The following PHKB variants were observed in gnomAD, a reference collection of about 807,000 sequenced individuals.
The protein encoded by PHKB is phosphorylase kinase regulatory subunit beta.
Under a neutral mutation model 152.1 loss-of-function variants are expected in PHKB, and 122 were observed. That is an observed-to-expected ratio of 0.80 (90% CI 0.69 to 0.93). The LOEUF (loss-of-function observed/expected upper bound fraction) is 0.93. PHKB is among the 40% of genes least tolerant of loss of function. The pLI is 0.00. For synonymous variants in PHKB, 436 were observed against 464.9 expected (o/e 0.94, Z 0.80); for missense variants, 1,304 against 1,328.4 (o/e 0.98, Z 0.29).
At chr16:47,501,916 C>A (rs1255775819) in intron 3 of PHKB, among the ~76,000 whole-genome samples, 2 of 152,064 alleles carry the variant, frequency 1.3e-5, no homozygotes, top group African/African-American at 4.8e-5. Context: ...TGTGTCTGAC[C>A]TCAAGGGGAA....
intron 3 of PHKB, among the ~76,000 whole-genome samples, chr16:47,501,945 A>G (rs1162496988): frequency 3.3e-5 from 5 of 152,174 alleles, no homozygotes; most frequent in African/African-American, 1.2e-4. Flanking sequence ...TATAGAGCAA[A>G]TTCATGCTAA....
intron 7 of PHKB, among the ~76,000 whole-genome samples, chr16:47,569,245 G>C (rs1392815022): frequency 6.6e-6 from 1 of 152,090 alleles, no homozygotes; most frequent in Non-Finnish European, 1.5e-5. Context: ...TCTTCTTGTT[G>C]AATTGTTCTG....
chr16:47,488,646 T>G (rs972081217), intron 1 of PHKB, among the ~76,000 whole-genome samples: 1 of 152,216 alleles, frequency 6.6e-6, no homozygotes, highest in African/African-American at 2.4e-5. Flanking sequence ...GGGATCCAGT[T>G]TCAATCTTCT....
intron 11 of PHKB, 125 bp downstream of exon 11, chr16:47,593,682 C>T: frequency 1.4e-6 from 1 of 696,064 alleles, no homozygotes; most frequent in Non-Finnish European, 2.6e-6. Context: ...ATAGACTGCG[C>T]TTCAGTGATG....
chr16:47,479,181 G>C (rs1441193831), intron 1 of PHKB, among the ~76,000 whole-genome samples: 1 of 152,192 alleles, frequency 6.6e-6, no homozygotes, highest in African/African-American at 2.4e-5. Context: ...TTTCAAGGTA[G>C]ATCTTACAAG....
At position 47,699,689 on chromosome 16, in the gene PHKB, G is replaced by C. The variant is rs886052024; in HGVS notation, c.*323G>C. ...AAATAGTTCATCAAAATGAATCTTT[G>C]CTCTTTGGACTGAATTCTTACCATA... On this transcript the variant is annotated 3_prime_UTR_variant, in exon 31 of 31. Coordinates refer to ENST00000323584, the MANE Select transcript of PHKB (RefSeq NM_000293.3). The C allele has an allele frequency of 8.2e-5, 30 of 366,022 alleles. No homozygotes were observed. The highest frequency in any genetic ancestry group is 5.8e-4 in the African/African-American group (28 of 48,162). The allele number at this position is 366,022 out of a possible 1,614,324, so 22.7% of individuals were successfully genotyped here. A position where few individuals can be genotyped will look rare whatever the true frequency, so the allele number is the denominator to read the frequency against.
chr16:47,542,377 G>A (rs1225433265), intron 6 of PHKB, among the ~76,000 whole-genome samples: 4 of 152,128 alleles, frequency 2.6e-5, no homozygotes, highest in Non-Finnish European at 4.4e-5. Flanking sequence ...TTTGGTACCA[G>A]TACCATGCTG....
chr16:47,566,433 C>T, intron 7 of PHKB: 1 of 1,609,498 alleles, frequency 6.2e-7, no homozygotes, highest in Non-Finnish European at 8.5e-7. Flanking sequence ...TTCATTGAGA[C>T]TCAGGGCACT....
At chr16:47,541,947 GC>G (rs1334540287) in intron 6 of PHKB, among the ~76,000 whole-genome samples, 1 of 151,914 alleles carries the variant, frequency 6.6e-6, no homozygotes, top group Admixed American at 6.5e-5. Context: ...TCTGTAGGTT[GC>G]CTGCTTACTC....
At chr16:47,664,752 A>T (rs1409453208) in intron 24 of PHKB, 133 bp from the exon 25 acceptor site, 7 of 708,192 alleles carry the variant, frequency 9.9e-6, no homozygotes, top group African/African-American at 1.8e-5. Context: ...TGCTTTATGT[A>T]TTACACTTTA....
At chr16:47,645,138 G>A (rs368126557) in intron 16 of PHKB, among the ~76,000 whole-genome samples, 17 of 151,902 alleles carry the variant, frequency 1.1e-4, no homozygotes, top group Middle Eastern at 6.8e-3. Context: ...AGTAGGTTGC[G>A]AAAATTTTCT....
In PHKB at chr16:47,643,382, T is replaced by G. The variant is rs80236432; in HGVS notation, c.1608+1690T>G. Among the ~76,000 whole-genome samples, 493 of 152,336 alleles carry G rather than the reference T, an allele frequency of 3.2e-3. 1 individual carries two copies. Among genetic ancestry groups the G allele is most frequent in the Non-Finnish European group, 5.7e-3 (385 of 68,024 alleles). ...TATAATAGATGTTCATACAAAGTGC[T>G]TGTGAATCAGAGGCAGTAGAAGGCA... On this transcript the variant is annotated intron_variant, in intron 16 of 30. Coordinates refer to ENST00000323584, the MANE Select transcript of PHKB (RefSeq NM_000293.3).
chr16:47,551,426 T>C (rs113978241), intron 7 of PHKB, among the ~76,000 whole-genome samples: 59 of 152,334 alleles, frequency 3.9e-4, no homozygotes, highest in African/African-American at 1.3e-3. Flanking sequence ...TTTGTTCTCA[T>C]TGGTTTCAAA....
chr16:47,481,967 C>T (rs994865976), intron 1 of PHKB, among the ~76,000 whole-genome samples: 11 of 152,206 alleles, frequency 7.2e-5, no homozygotes, highest in African/African-American at 2.4e-4. Flanking sequence ...TTCTCCCCTC[C>T]AGCAGTTTGT....
At chr16:47,694,593 TA>T (rs934293419) in intron 28 of PHKB, among the ~76,000 whole-genome samples, 2 of 152,194 alleles carry the variant, frequency 1.3e-5, no homozygotes, top group African/African-American at 4.8e-5. Flanking sequence ...AAAAAATGCA[TA>T]AAAACTTTTA....
intron 14 of PHKB, among the ~76,000 whole-genome samples, chr16:47,614,275 C>A (rs1339947496): frequency 6.6e-6 from 1 of 152,180 alleles, no homozygotes; most frequent in Non-Finnish European, 1.5e-5. Flanking sequence ...CTCCATGATC[C>A]AATCACATCC....
intron 30 of PHKB, 36 bp from the exon 31 acceptor site, chr16:47,699,193 A>C (rs1181122110): frequency 6.2e-7 from 1 of 1,608,686 alleles, no homozygotes; most frequent in Non-Finnish European, 8.5e-7. Flanking sequence ...TTACAAACAG[A>C]AGATCGAATG....
At chr16:47,670,413 C>G (rs1390982759) in intron 26 of PHKB, among the ~76,000 whole-genome samples, 1 of 152,156 alleles carries the variant, frequency 6.6e-6, no homozygotes, top group Non-Finnish European at 1.5e-5. Flanking sequence ...GCTGATAAAA[C>G]TCTTAATTTC....
At chr16:47,552,625 A>G (rs955950032) in intron 7 of PHKB, among the ~76,000 whole-genome samples, 1 of 152,126 alleles carries the variant, frequency 6.6e-6, no homozygotes, top group Admixed American at 6.6e-5. Flanking sequence ...CCTGGCCAAG[A>G]TGGTGATACC....
Sources: allele counts gnomAD v4.1 joint callset (sites outside exome capture counted in the v4.1 genomes callset), GRCh38; gene constraint gnomAD v4.1.1; transcripts MANE v1.5; gene names NCBI Gene and HGNC (gene_info 2026-07-23, HGNC 2026-07-21).